The following KIAA2012 variants were observed in gnomAD, a reference collection of about 807,000 sequenced individuals.
The protein encoded by KIAA2012 is uncharacterized protein KIAA2012.
In KIAA2012, 125 loss-of-function variants were observed where a neutral mutation model predicts 150.6. The ratio of observed to expected loss-of-function variants is 0.83; its 90% CI spans 0.72 to 0.96. KIAA2012 has a LOEUF of 0.96. KIAA2012 is among the 40% of genes least tolerant of loss of function. The pLI, the probability that KIAA2012 is intolerant of heterozygous loss-of-function variation, is 0.00. For missense variants in KIAA2012, 1,219 were observed against 1,354.9 expected, an observed-to-expected ratio of 0.90 and a Z score of 1.57; for synonymous variants, 462 against 504.7, an observed-to-expected ratio of 0.92 and a Z score of 1.13.
chr2:202,165,645 C>T (rs1385532338), intron 15 of KIAA2012, among the ~76,000 whole-genome samples: 5 of 152,128 alleles, frequency 3.3e-5, no homozygotes, highest in Non-Finnish European at 5.9e-5. Flanking sequence ...CACTTGAACC[C>T]AGGAGGCAGA....
intron 2 of KIAA2012, among the ~76,000 whole-genome samples, chr2:202,077,336 T>C (rs1247223641): frequency 6.6e-6 from 1 of 152,250 alleles, no homozygotes; most frequent in Non-Finnish European, 1.5e-5. Context: ...CCTTCCATCG[T>C]CTTCAGATGC....
intron 5 of KIAA2012, among the ~76,000 whole-genome samples, chr2:202,098,840 G>T (rs573183726): frequency 6.6e-6 from 1 of 151,576 alleles, no homozygotes. Flanking sequence ...GCGCGCGCAG[G>T]ATAACAATTG....
intron 11 of KIAA2012, chr2:202,113,652 G>A (rs1690441161): frequency 1.8e-6 from 1 of 546,802 alleles, no homozygotes; most frequent in Admixed American, 3.1e-5. Flanking sequence ...ACTCTTGCTG[G>A]AGCATTTGGA....
intron 18 of KIAA2012, 75 bp from the exon 19 acceptor site, chr2:202,190,099 G>A: frequency 3.3e-6 from 4 of 1,224,112 alleles, no homozygotes; most frequent in Non-Finnish European, 4.4e-6. Flanking sequence ...AAAAAAAAAA[G>A]TTACTAAAAA....
intron 1 of KIAA2012, 81 bp from the exon 2 acceptor site, chr2:202,074,810 C>A: frequency 1.4e-6 from 2 of 1,389,524 alleles, no homozygotes; most frequent in Non-Finnish European, 9.6e-7. Context: ...TAAAAAAATG[C>A]CGAAGGCTTT....
At chr2:202,186,332 G>A (rs1692225666) in intron 16 of KIAA2012, among the ~76,000 whole-genome samples, 1 of 152,038 alleles carries the variant, frequency 6.6e-6, no homozygotes, top group Admixed American at 6.6e-5. Flanking sequence ...GACTAACATG[G>A]TGAAACCCCA....
intron 14 of KIAA2012, among the ~76,000 whole-genome samples, chr2:202,161,474 G>A (rs1361755622): frequency 6.6e-6 from 1 of 151,942 alleles, no homozygotes; most frequent in African/African-American, 2.4e-5. Context: ...CTTAAACTCC[G>A]AACTGTAACA....
chr2:202,075,369 G>A (rs548434318), intron 2 of KIAA2012, among the ~76,000 whole-genome samples, 194 bp downstream of exon 2: 3 of 152,294 alleles, frequency 2.0e-5, no homozygotes, highest in African/African-American at 7.2e-5. Context: ...AAGCTTAAAT[G>A]AGATAATGTA....
intron 13 of KIAA2012, among the ~76,000 whole-genome samples, chr2:202,151,333 G>A (rs1691422330): frequency 6.6e-6 from 1 of 152,028 alleles, no homozygotes. Flanking sequence ...GGAGGCAGAG[G>A]TTGCAGTGAG....
chr2:202,200,936 C>A (rs2105757111), intron 22 of KIAA2012, among the ~76,000 whole-genome samples: 1 of 152,076 alleles, frequency 6.6e-6, no homozygotes, highest in East Asian at 1.9e-4. Flanking sequence ...GAACTCCCGA[C>A]CTCAAGTGAT....
At chr2:202,160,145 A>C (rs1691618120) in intron 14 of KIAA2012, among the ~76,000 whole-genome samples, 2 of 152,026 alleles carry the variant, frequency 1.3e-5, no homozygotes, top group Non-Finnish European at 2.9e-5. Context: ...AAAGCCAAAA[A>C]TCCCCACAAT....
chr2:202,122,664 G>A (rs1690680704), intron 11 of KIAA2012, among the ~76,000 whole-genome samples: 1 of 151,972 alleles, frequency 6.6e-6, no homozygotes, highest in Non-Finnish European at 1.5e-5. Flanking sequence ...ACCACGCCTG[G>A]CTAAATTTGT....
At chr2:202,079,598 T>G (rs796589796) in intron 2 of KIAA2012, among the ~76,000 whole-genome samples, 10 of 152,336 alleles carry the variant, frequency 6.6e-5, no homozygotes, top group African/African-American at 2.4e-4. Flanking sequence ...ACATCCACCC[T>G]TGAACTTTCT....
intron 21 of KIAA2012, 97 bp from the exon 22 acceptor site, chr2:202,196,703 G>A: frequency 6.8e-7 from 1 of 1,466,632 alleles, no homozygotes; most frequent in Non-Finnish European, 9.1e-7. Flanking sequence ...ATTTCTCACG[G>A]GGAGTCCTTC....
At position 202,163,781 on chromosome 2, in the gene KIAA2012, A is replaced by ATTTT. The variant is rs902559663; in HGVS notation, c.2047-1479_2047-1476dup. On this transcript the variant is annotated intron_variant, in intron 14 of 23. Transcript: ENST00000498697. The stretch of plus-strand genomic sequence containing the variant: ...TTACTCCTTTCCATTTATTCAGGGA[A>ATTTT]TTTTTTTTTTTTTTTTTTTTTTTTT... Among the ~76,000 whole-genome samples the ATTTT allele has an allele frequency of 1.0e-4, 11 of 106,356 alleles. 1 individual carries two copies. Among genetic ancestry groups the ATTTT allele is most frequent in the Non-Finnish European group, 1.7e-4 (9 of 53,526 alleles). The allele number at this position is 106,356 out of a possible 152,430, so 69.8% of individuals were successfully genotyped here.
At chr2:202,089,963 G>T (rs927505565) in intron 2 of KIAA2012, among the ~76,000 whole-genome samples, 1 of 152,196 alleles carries the variant, frequency 6.6e-6, no homozygotes, top group African/African-American at 2.4e-5. Flanking sequence ...TGGATTCTGA[G>T]ATCACCTTCA....
At chr2:202,091,505 A>T (rs1689721561) in intron 3 of KIAA2012, among the ~76,000 whole-genome samples, 1 of 152,144 alleles carries the variant, frequency 6.6e-6, no homozygotes, top group African/African-American at 2.4e-5. Context: ...CACCCTTCTG[A>T]TGAACAGACC....
intron 15 of KIAA2012, among the ~76,000 whole-genome samples, chr2:202,167,615 G>T (rs986273083): frequency 6.6e-6 from 1 of 152,112 alleles, no homozygotes; most frequent in Admixed American, 6.5e-5. Context: ...CAGACCAGAA[G>T]TTGTTGGAGA....
At chr2:202,185,497 A>G (rs1426687736) in intron 16 of KIAA2012, among the ~76,000 whole-genome samples, 1 of 152,192 alleles carries the variant, frequency 6.6e-6, no homozygotes, top group South Asian at 2.1e-4. Context: ...TTCCCCAGGA[A>G]TAAAGGGGGA....
Sources: gnomAD v4.1 joint callset for allele counts (sites outside exome capture counted in the v4.1 genomes callset) on GRCh38, gnomAD v4.1.1 for gene constraint, MANE v1.5 for transcripts, NCBI Gene and HGNC (gene_info 2026-07-23, HGNC 2026-07-21) for gene names.